The following DNAH3 variants were observed in gnomAD, a reference collection of about 807,000 sequenced individuals.
DNAH3 encodes axonemal beta dynein heavy chain 3.
Under a neutral mutation model 432.5 loss-of-function variants are expected in DNAH3, and 332 were observed. The ratio of observed to expected loss-of-function variants is 0.77; its 90% CI spans 0.70 to 0.84. The LOEUF (loss-of-function observed/expected upper bound fraction) is 0.84. DNAH3 is among the 40% of genes least tolerant of loss of function. The pLI is 0.00. For missense variants in DNAH3, 4,861 were observed against 5,114.0 expected (o/e 0.95, Z 1.51); for synonymous variants, 1,956 against 1,900.2 (o/e 1.03, Z -0.76).
intron 48 of DNAH3, among the ~76,000 whole-genome samples, chr16:20,984,131 C>T (rs148699783): frequency 3.3e-5 from 5 of 151,352 alleles, no homozygotes; most frequent in African/African-American, 9.7e-5. Flanking sequence ...ATTATGAGAC[C>T]GCAGGTTAGT....
exon 20 of DNAH3, chr16:21,081,695 G>A (rs1424272033): frequency 1.2e-6 from 2 of 1,613,924 alleles, no homozygotes; most frequent in Non-Finnish European, 1.7e-6. Context: ...TCGTTTCGGT[G>A]GGCTTTATCT....
At chr16:20,945,227 T>C (rs1030359717) in intron 57 of DNAH3, among the ~76,000 whole-genome samples, 1 of 152,140 alleles carries the variant, frequency 6.6e-6, no homozygotes, top group Non-Finnish European at 1.5e-5. Flanking sequence ...CATTACACAC[T>C]AATTATAATG....
chr16:21,118,170 T>C (rs2092252235), intron 11 of DNAH3, among the ~76,000 whole-genome samples: 1 of 151,940 alleles, frequency 6.6e-6, no homozygotes, highest in African/African-American at 2.4e-5. Context: ...GTATTTTTAG[T>C]AGAGACAGAG....
At chr16:21,015,496 C>A (rs2087812546) in intron 41 of DNAH3, among the ~76,000 whole-genome samples, 1 of 152,144 alleles carries the variant, frequency 6.6e-6, no homozygotes, top group Admixed American at 6.5e-5. Context: ...ACATTTACAT[C>A]TTTGTCAAAA....
chr16:21,141,871 C>A (rs546317536), intron 3 of DNAH3, among the ~76,000 whole-genome samples: 22 of 150,842 alleles, frequency 1.5e-4, no homozygotes, highest in Non-Finnish European at 2.5e-4. Context: ...GCCAACATGG[C>A]GAAACCCCAT....
intron 53 of DNAH3, among the ~76,000 whole-genome samples, chr16:20,962,384 G>C (rs191667081): frequency 2.6e-5 from 4 of 152,092 alleles, no homozygotes; most frequent in Non-Finnish European, 5.9e-5. Flanking sequence ...GCTGTGGCCC[G>C]TGCATTGTGA....
chr16:20,970,034 G>A, intron 51 of DNAH3, 44 bp from the exon 52 acceptor site: 2 of 1,578,132 alleles, frequency 1.3e-6, no homozygotes, highest in Non-Finnish European at 1.7e-6. Flanking sequence ...CCCAGGGCCT[G>A]GCACAATGGG....
chr16:21,093,752 G>C (rs1259374816), intron 18 of DNAH3, among the ~76,000 whole-genome samples: 1 of 152,168 alleles, frequency 6.6e-6, no homozygotes, highest in Non-Finnish European at 1.5e-5. Flanking sequence ...GAACAGAATA[G>C]AGTCAAGACA....
intron 8 of DNAH3, 134 bp downstream of exon 9, chr16:21,127,553 T>G: frequency 9.2e-7 from 1 of 1,092,270 alleles, no homozygotes; most frequent in African/African-American, 1.6e-5. Context: ...AGAAAGAGAC[T>G]CTGTCTCAAA....
At position 21,122,066 on chromosome 16, in the gene DNAH3, A is replaced by G. The variant is rs568176317; in HGVS notation, c.1463T>C (p.Ile488Thr). 6.2e-6 allele frequency: 10 copies of G among 1,613,926 alleles called. No homozygotes were observed. The African/African-American group carries it at 1.2e-4, about 19-fold the overall frequency. Residue 488 changes from isoleucine (I) to threonine (T), a missense_variant, in exon 10 of 62, where the codon ATC (isoleucine) becomes ACC (threonine). Transcript: ENST00000261383. ...TTCACTGACTTCAAGTTTGATCATG[A>G]TTAGCTGAGGTATGAAAAACTTCAT...
chr16:20,987,406 G>T (rs143440346), exon 47 of DNAH3: 1 of 1,614,140 alleles, frequency 6.2e-7, no homozygotes, highest in East Asian at 2.2e-5. Context: ...TAGAAGACCC[G>T]ATAAACCTCA....
intron 48 of DNAH3, 104 bp from the exon 49 acceptor site, chr16:20,982,990 C>T: frequency 3.1e-6 from 4 of 1,302,744 alleles, no homozygotes; most frequent in Non-Finnish European, 4.4e-6. Flanking sequence ...TGGGGGCAGG[C>T]TTCCTCCTGG....
intron 23 of DNAH3, among the ~76,000 whole-genome samples, chr16:21,069,049 C>T (rs1024013825): frequency 3.3e-5 from 5 of 151,998 alleles, no homozygotes; most frequent in South Asian, 2.1e-4. Context: ...CTCAGCCCTC[C>T]GAGTAGCTGG....
intron 41 of DNAH3, among the ~76,000 whole-genome samples, chr16:21,018,282 C>T (rs1021136406): frequency 2.4e-4 from 36 of 152,038 alleles, no homozygotes; most frequent in Admixed American, 2.6e-4. Context: ...AAAAGTAAAG[C>T]TATTTGGGAA....
chr16:20,935,548 G>C, intron 60 of DNAH3, 63 bp from the exon 61 acceptor site: 1 of 1,549,090 alleles, frequency 6.5e-7, no homozygotes, highest in Non-Finnish European at 8.8e-7. Flanking sequence ...TCAAATGCAA[G>C]TAATGTAACG....
intron 58 of DNAH3, among the ~76,000 whole-genome samples, chr16:20,942,933 G>A (rs1416358112): frequency 6.6e-6 from 1 of 151,970 alleles, no homozygotes; most frequent in Non-Finnish European, 1.5e-5. Flanking sequence ...TTTTGAGATA[G>A]TGTCTCACTC....
chr16:20,997,152 T>C, intron 44 of DNAH3, 131 bp downstream of exon 44: 1 of 780,036 alleles, frequency 1.3e-6, no homozygotes, highest in Non-Finnish European at 2.1e-6. Context: ...AGCCTACACA[T>C]GCTTCTGCTC....
chr16:20,983,173 T>C (rs1418434791), intron 48 of DNAH3, among the ~76,000 whole-genome samples: 1 of 152,230 alleles, frequency 6.6e-6, no homozygotes, highest in Non-Finnish European at 1.5e-5. Flanking sequence ...TCACCCAGAC[T>C]GGAGTGCAGT....
At chr16:20,985,129 C>T in exon 48 of DNAH3, 5 of 1,614,202 alleles carry the variant, frequency 3.1e-6, no homozygotes, top group Non-Finnish European at 4.2e-6. Flanking sequence ...AACCTTCTCT[C>T]CTTGGGTCCT....
Sources: gnomAD v4.1 joint callset for allele counts (sites outside exome capture counted in the v4.1 genomes callset) on GRCh38, gnomAD v4.1.1 for gene constraint, MANE v1.5 for transcripts, NCBI Gene and HGNC (gene_info 2026-07-23, HGNC 2026-07-21) for gene names.